Variants in ATP11A observed in about 807,000 individuals in gnomAD.
The protein encoded by ATP11A is ATPase phospholipid transporting 11A.
In ATP11A, 81 loss-of-function variants were observed where a neutral mutation model predicts 154.4. The observed-to-expected ratio is 0.52, with a 90% confidence interval of 0.44 to 0.63. The LOEUF is 0.63. Ranked by LOEUF, ATP11A falls within the 30% of genes least tolerant of loss-of-function variation. The pLI, the probability that ATP11A is intolerant of heterozygous loss-of-function variation, is 0.00. For missense variants in ATP11A, 1,316 were observed against 1,474.3 expected, an observed-to-expected ratio of 0.89 and a Z score of 1.76; for synonymous variants, 623 against 585.9, an observed-to-expected ratio of 1.06 and a Z score of -0.91.
chr13:112,845,807 A>ACTAGCGG (rs1566565031), intron 17 of ATP11A, among the ~76,000 whole-genome samples: 2 of 89,046 alleles, frequency 2.2e-5, no homozygotes, highest in African/African-American at 1.0e-4. Context: ...GGCACTAGTG[A>ACTAGCGG]TACTAACCAG....
At chr13:112,805,979 ACT>A (rs1473120017) in intron 3 of ATP11A, among the ~76,000 whole-genome samples, 2 of 151,008 alleles carry the variant, frequency 1.3e-5, no homozygotes, top group African/African-American at 2.4e-5. Flanking sequence ...TGGGTCTGCC[ACT>A]CTCGGTGGTT....
At chr13:112,876,800 G>T (rs934701072) in intron 28 of ATP11A, among the ~76,000 whole-genome samples, 9 of 152,172 alleles carry the variant, frequency 5.9e-5, no homozygotes, top group African/African-American at 2.2e-4. Flanking sequence ...CGGGGCCCCA[G>T]CCCTGACTCA....
At chr13:112,714,895 CT>C (rs1426249972) in intron 1 of ATP11A, among the ~76,000 whole-genome samples, 1 of 152,200 alleles carries the variant, frequency 6.6e-6, no homozygotes, top group East Asian at 1.9e-4. Flanking sequence ...AGAACTTCCG[CT>C]TCTTCCCAAA....
chr13:112,814,078 T>G (rs1003568759), intron 5 of ATP11A, among the ~76,000 whole-genome samples: 2 of 152,168 alleles, frequency 1.3e-5, no homozygotes, highest in South Asian at 4.1e-4. Flanking sequence ...TATTATTTCT[T>G]TTGAGACAGA....
At chr13:112,742,348 C>T (rs1390418698) in intron 1 of ATP11A, among the ~76,000 whole-genome samples, 4 of 152,114 alleles carry the variant, frequency 2.6e-5, no homozygotes, top group African/African-American at 7.2e-5. Context: ...GCCTGAGACA[C>T]TAGTGTCTGT....
At chr13:112,763,058 G>GGTGGCTGAGTGCCTGCGTC (rs1422366349) in intron 1 of ATP11A, among the ~76,000 whole-genome samples, 1 of 152,232 alleles carries the variant, frequency 6.6e-6, no homozygotes, top group East Asian at 1.9e-4. Flanking sequence ...AGCCCTGCGC[G>GGTGGCTGAGTGCCTGCGTC]GTGGCTGAGT....
intron 12 of ATP11A, among the ~76,000 whole-genome samples, chr13:112,830,748 G>A (rs1257880880): frequency 2.6e-5 from 4 of 152,178 alleles, no homozygotes; most frequent in South Asian, 2.1e-4. Context: ...GCTGCCGTGC[G>A]TTCCAGAACT....
chr13:112,829,958 C>T (rs2079043448), intron 12 of ATP11A, among the ~76,000 whole-genome samples: 1 of 145,398 alleles, frequency 6.9e-6, no homozygotes, highest in Admixed American at 7.0e-5. Context: ...ACAAAGCAAA[C>T]AATCTTATCT....
chr13:112,739,993 G>A (rs566239497), intron 1 of ATP11A, among the ~76,000 whole-genome samples: 1 of 152,248 alleles, frequency 6.6e-6, no homozygotes, highest in Admixed American at 6.5e-5. Context: ...GGGAGCGACT[G>A]TAGGTCTTGT....
chr13:112,789,065 ATGTGTAGACCCC>A (rs2077749923), intron 2 of ATP11A, among the ~76,000 whole-genome samples: 1 of 151,310 alleles, frequency 6.6e-6, no homozygotes, highest in Non-Finnish European at 1.5e-5. Context: ...AGGTGTCCTG[ATGTGTAGACCCC>A]TGTGTAGACC....
At chr13:112,706,365 G>A (rs982591931) in intron 1 of ATP11A, among the ~76,000 whole-genome samples, 4 of 152,210 alleles carry the variant, frequency 2.6e-5, no homozygotes, top group South Asian at 4.1e-4. Flanking sequence ...TCATAAAAGC[G>A]TGATGTTCAG....
At chr13:112,760,702 T>C (rs2076943290) in intron 1 of ATP11A, among the ~76,000 whole-genome samples, 1 of 152,182 alleles carries the variant, frequency 6.6e-6, no homozygotes, top group Non-Finnish European at 1.5e-5. Flanking sequence ...TTACACTGTA[T>C]TATGTAAATA....
chr13:112,839,201 T>C (rs1206309721), intron 16 of ATP11A, among the ~76,000 whole-genome samples: 1 of 152,182 alleles, frequency 6.6e-6, no homozygotes, highest in Admixed American at 6.5e-5. Context: ...TTTTGGGGGA[T>C]CCTGCGGATG....
At chr13:112,853,323 CAT>C (rs1369089439) in intron 18 of ATP11A, among the ~76,000 whole-genome samples, 5 of 152,074 alleles carry the variant, frequency 3.3e-5, no homozygotes, top group Non-Finnish European at 5.9e-5. Flanking sequence ...CATACACACA[CAT>C]AAAATTACAG....
intron 1 of ATP11A, among the ~76,000 whole-genome samples, chr13:112,736,493 A>G (rs1390612027): frequency 6.6e-6 from 1 of 152,204 alleles, no homozygotes; most frequent in Non-Finnish European, 1.5e-5. Context: ...GTTCTACAAT[A>G]TAAGGGGGCC....
At chr13:112,735,044 G>A (rs1890857582) in intron 1 of ATP11A, among the ~76,000 whole-genome samples, 1 of 152,120 alleles carries the variant, frequency 6.6e-6, no homozygotes, top group Non-Finnish European at 1.5e-5. Context: ...TTTAAAAAAA[G>A]AAAAAAGCTG....
At chr13:112,781,691 C>G (rs2077503066) in intron 1 of ATP11A, among the ~76,000 whole-genome samples, 1 of 144,668 alleles carries the variant, frequency 6.9e-6, no homozygotes, top group Non-Finnish European at 1.5e-5. Context: ...GCAGTTTAGT[C>G]TTCCTAGAAT....
At chr13:112,691,498 G>A (rs2098492511) in intron 1 of ATP11A, among the ~76,000 whole-genome samples, 2 of 149,100 alleles carry the variant, frequency 1.3e-5, no homozygotes, top group Admixed American at 6.7e-5. Context: ...GTGTGTGTGT[G>A]TGTGTGTGTA....
At position 112,696,279 on chromosome 13, in the gene ATP11A, C is replaced by A. The variant is rs1885791223; in HGVS notation, c.39+5824C>A. 6.6e-6 allele frequency among the ~76,000 whole-genome samples: 1 copy of A among 152,206 alleles called. No individual in the cohort carries two copies. Among genetic ancestry groups the A allele is most frequent in the Admixed American group, 6.5e-5 (1 of 15,288 alleles). ...CATGCTTCTGGGCTTCTTAAGGAGA[C>A]CGCCTCTCACCTTGGGCTTTCCGGA... On this transcript the variant is annotated intron_variant, in intron 1 of 29. Coordinates refer to ENST00000375645, the MANE Select transcript of ATP11A (RefSeq NM_015205.3). This position sits in a 1 kb window ranked among gnomAD's most constrained non-coding sequence, Gnocchi z 6.2.
Sources: allele counts gnomAD v4.1 joint callset (sites outside exome capture counted in the v4.1 genomes callset), GRCh38; gene constraint gnomAD v4.1.1; non-coding constraint Gnocchi (gnomAD v3.1); transcripts MANE v1.5; gene names NCBI Gene and HGNC (gene_info 2026-07-23, HGNC 2026-07-21).